CCDC34: variants seen among roughly 807,000 people sequenced by gnomAD.
CCDC34 encodes the protein coiled-coil domain-containing protein 34.
In CCDC34, 40 loss-of-function variants were observed where a neutral mutation model predicts 44.1. The observed-to-expected ratio is 0.91, with a 90% CI of 0.70 to 1.18. CCDC34 has a LOEUF of 1.18. Ranked by LOEUF, CCDC34 falls within the 50% of genes most tolerant of loss-of-function variation. The pLI is 0.00. For synonymous variants in CCDC34, 159 were observed against 158.2 expected (o/e 1.01, Z -0.04); for missense variants, 466 against 452.3 (o/e 1.03, Z -0.28).
chr11:27,355,567 C>T (rs1320658546), intron 2 of CCDC34, among the ~76,000 whole-genome samples: 1 of 152,110 alleles, frequency 6.6e-6, no homozygotes, highest in African/African-American at 2.4e-5. Flanking sequence ...CAAAGCCAGG[C>T]ATCTTTATAC....
chr11:27,361,108 C>A (rs991946342), intron 1 of CCDC34, among the ~76,000 whole-genome samples: 5 of 152,240 alleles, frequency 3.3e-5, no homozygotes. Flanking sequence ...ACACTTGCCA[C>A]ACACAATGCT....
intron 3 of CCDC34, among the ~76,000 whole-genome samples, chr11:27,345,095 G>A (rs1026490147): frequency 1.3e-5 from 2 of 152,138 alleles, no homozygotes; most frequent in African/African-American, 2.4e-5. Context: ...ATAGGGAAAA[G>A]ATTATCTTGT....
At chr11:27,362,176 C>T (rs973872707) in intron 1 of CCDC34, among the ~76,000 whole-genome samples, 6 of 152,148 alleles carry the variant, frequency 3.9e-5, no homozygotes, top group African/African-American at 1.4e-4. Flanking sequence ...GTCCCCAGTA[C>T]GTAGACTAAT....
Position 27,340,676 on chromosome 11 carries a change from C to A in CCDC34, c.907+20G>T. 1 of 1,594,190 alleles carries A rather than the reference C, an allele frequency of 6.3e-7. No individual in the cohort carries two copies. ...TTCTGCAAACCATATTTATGTAAGC[C>A]ACACAACATAAAAACCAACCTGTAA... is the stretch of plus-strand genomic sequence containing the variant. On this transcript the variant is annotated intron_variant, in intron 5 of 5. Coordinates refer to ENST00000328697, the MANE Select transcript of CCDC34 (RefSeq NM_030771.2).
At chr11:27,344,458 A>G (rs1862406083) in intron 3 of CCDC34, among the ~76,000 whole-genome samples, 2 of 151,970 alleles carry the variant, frequency 1.3e-5, no homozygotes, top group South Asian at 4.1e-4. Flanking sequence ...ATAACATGTT[A>G]CTTGTGTTAT....
chr11:27,340,907 AT>A (rs555057167), intron 4 of CCDC34, 70 bp from the exon 5 acceptor site: 43 of 1,475,346 alleles, frequency 2.9e-5, no homozygotes, highest in African/African-American at 1.1e-4. Context: ...AATTCTACTG[AT>A]TTTTTTTTCT....
intron 3 of CCDC34, among the ~76,000 whole-genome samples, chr11:27,346,759 A>G (rs1449697610): frequency 3.3e-5 from 5 of 152,150 alleles, no homozygotes; most frequent in Admixed American, 3.3e-4. Flanking sequence ...CCAAATTCCT[A>G]TGTTGAATCC....
chr11:27,363,000 C>T lies in CCDC34; in HGVS notation c.195G>A (p.Ser65=), dbSNP rs764417597. Residue 65 remains serine, a synonymous_variant, in exon 1 of 6, where the codon TCG becomes TCA. Coordinates refer to ENST00000328697, the MANE Select transcript of CCDC34 (RefSeq NM_030771.2). ...LPLSCSNSTR[S]LLSPLGHQSF... is the part of the protein sequence containing the mutation. The stretch of plus-strand genomic sequence containing the variant: ...TCTGGTGGCCAAGGGGAGACAACAG[C>T]GACCTGGTGGAATTGCTGCAGCTCA... 6.2e-7 allele frequency: 1 copy of T among 1,614,194 alleles called. No homozygotes were observed. Among genetic ancestry groups the T allele is most frequent in the Non-Finnish European group, 8.5e-7 (1 of 1,180,032 alleles).
At chr11:27,362,143 T>A (rs763468129) in intron 1 of CCDC34, among the ~76,000 whole-genome samples, 2 of 152,176 alleles carry the variant, frequency 1.3e-5, no homozygotes, top group African/African-American at 2.4e-5. Context: ...TTCATGAGAG[T>A]AGAGACCAGT....
chr11:27,344,574 G>A (rs753845063), intron 3 of CCDC34, among the ~76,000 whole-genome samples: 2 of 151,090 alleles, frequency 1.3e-5, no homozygotes, highest in Non-Finnish European at 3.0e-5. Context: ...TCAGGAACAA[G>A]GCAAGATAAC....
At chr11:27,348,826 A>C (rs906900799) in intron 3 of CCDC34, 25 of 938,984 alleles carry the variant, frequency 2.7e-5, no homozygotes, top group Non-Finnish European at 3.0e-5. Flanking sequence ...AAAAAAGAAT[A>C]ATCAATTATT....
intron 1 of CCDC34, among the ~76,000 whole-genome samples, chr11:27,358,163 C>T (rs1445744871): frequency 6.6e-6 from 1 of 152,170 alleles, no homozygotes; most frequent in Non-Finnish European, 1.5e-5. Context: ...ACTCTCTAGT[C>T]TGGTTACCTC....
intron 1 of CCDC34, among the ~76,000 whole-genome samples, chr11:27,358,796 AAACAAATC>A (rs1862615841): frequency 6.6e-6 from 1 of 152,082 alleles, no homozygotes; most frequent in African/African-American, 2.4e-5. Context: ...AATCAGTTGA[AAACAAATC>A]TAATCATCCT....
intron 2 of CCDC34, among the ~76,000 whole-genome samples, chr11:27,356,036 T>TTTTTA (rs1862571049): frequency 1.4e-5 from 2 of 140,492 alleles, no homozygotes; most frequent in Admixed American, 7.2e-5. Context: ...TTTTTTTTTT[T>TTTTTA]AGACAGAGTT....
intron 3 of CCDC34, among the ~76,000 whole-genome samples, chr11:27,343,866 G>C (rs1862397633): frequency 6.6e-6 from 1 of 152,158 alleles, no homozygotes; most frequent in African/African-American, 2.4e-5. Flanking sequence ...GAGACGGTGA[G>C]TGACAGATCA....
In CCDC34 at chr11:27,351,901, T is replaced by C. The variant is rs527819769; in HGVS notation, c.499-1462A>G. Among the ~76,000 whole-genome samples the C allele has an allele frequency of 1.2e-4, 19 of 152,030 alleles. No individual in the cohort carries two copies. In the South Asian group the frequency reaches 3.7e-3, roughly 30 times the overall value. Reference sequence around the variant, plus strand: ...TAGAAAATTTGAGCGTGGTACTAGGTAGATGGAGAAGGTCTTTTGAGACAG... The same window carrying C: ...TAGAAAATTTGAGCGTGGTACTAGGCAGATGGAGAAGGTCTTTTGAGACAG... On this transcript the variant is annotated intron_variant, in intron 2 of 5. Coordinates refer to ENST00000328697, the MANE Select transcript of CCDC34 (RefSeq NM_030771.2).
intron 2 of CCDC34, 67 bp from the exon 3 acceptor site, chr11:27,350,506 G>T: frequency 7.0e-7 from 1 of 1,425,982 alleles, no homozygotes; most frequent in Non-Finnish European, 9.4e-7. Flanking sequence ...CATTTTAAAA[G>T]TCTGAGGTTA....
chr11:27,360,441 C>T (rs1186725639), intron 1 of CCDC34, among the ~76,000 whole-genome samples: 3 of 152,158 alleles, frequency 2.0e-5, no homozygotes, highest in African/African-American at 7.2e-5. Flanking sequence ...GAGCCTAGCT[C>T]AAAGAAGCCT....
chr11:27,362,151 A>C (rs1862673529), intron 1 of CCDC34, among the ~76,000 whole-genome samples: 1 of 152,386 alleles, frequency 6.6e-6, no homozygotes, highest in Admixed American at 6.5e-5. Context: ...AGTAGAGACC[A>C]GTATCTTGTT....
Sources: allele counts gnomAD v4.1 joint callset (sites outside exome capture counted in the v4.1 genomes callset), GRCh38; gene constraint gnomAD v4.1.1; transcripts MANE v1.5; gene names NCBI Gene and HGNC (gene_info 2026-07-23, HGNC 2026-07-21).